GLI3: variants seen among roughly 807,000 people sequenced by gnomAD.
GLI3 encodes GLI family zinc finger 3.
In GLI3, 20 loss-of-function variants were observed where a neutral mutation model predicts 100.8. That is an observed-to-expected ratio of 0.20 (90% CI 0.14 to 0.29). The LOEUF (loss-of-function observed/expected upper bound fraction) is 0.29. GLI3 is among the 10% of genes least tolerant of loss of function. The pLI is 1.00. For synonymous variants in GLI3, 938 were observed against 860.5 expected (o/e 1.09, Z -1.58); for missense variants, 2,040 against 2,128.5 (o/e 0.96, Z 0.82).
At chr7:42,048,922 GA>G (rs542106968) in intron 4 of GLI3, among the ~76,000 whole-genome samples, 97 of 152,200 alleles carry the variant, frequency 6.4e-4, no homozygotes, top group African/African-American at 2.3e-3. Flanking sequence ...ATTGATCTCT[GA>G]GAAACTTCAT....
At chr7:42,187,756 G>A (rs1044239537) in intron 2 of GLI3, among the ~76,000 whole-genome samples, 2 of 152,076 alleles carry the variant, frequency 1.3e-5, no homozygotes, top group Admixed American at 1.3e-4. Flanking sequence ...TGTAATCCCA[G>A]CACTTTGGGA....
At chr7:42,237,564 C>G (rs1788838840), upstream of GLI3, among the ~76,000 whole-genome samples, 1 of 151,276 alleles carries the variant, frequency 6.6e-6, no homozygotes, top group African/African-American at 2.4e-5. Flanking sequence ...CCCTTCTCTC[C>G]TCCTCTTCCT....
At chr7:41,977,873 A>T in intron 11 of GLI3, 151 bp from the exon 12 acceptor site, 1 of 724,224 alleles carries the variant, frequency 1.4e-6, no homozygotes, top group Non-Finnish European at 2.5e-6. Flanking sequence ...CTCTGCATTT[A>T]TTGGGATTCA....
At chr7:41,982,697 CAAAA>C (rs200821387) in intron 10 of GLI3, among the ~76,000 whole-genome samples, 6 of 114,756 alleles carry the variant, frequency 5.2e-5, no homozygotes, top group Admixed American at 8.7e-5. Flanking sequence ...GAACTTGTCT[CAAAA>C]AAAAAAAAAA....
intron 3 of GLI3, among the ~76,000 whole-genome samples, chr7:42,106,134 G>T (rs1470354236): frequency 1.7e-5 from 2 of 120,980 alleles, no homozygotes; most frequent in African/African-American, 7.0e-5. Context: ...CTCCCCAGCA[G>T]TTCCAGCATG....
intron 3 of GLI3, 99 bp from the exon 4 acceptor site, chr7:42,076,956 C>T (rs773093571): frequency 1.2e-5 from 9 of 761,156 alleles, no homozygotes; most frequent in African/African-American, 3.4e-5. Context: ...TCTTCACTAC[C>T]TACACTTAAT....
At chr7:42,174,747 C>T (rs951259128) in intron 2 of GLI3, among the ~76,000 whole-genome samples, 4 of 152,200 alleles carry the variant, frequency 2.6e-5, no homozygotes, top group Admixed American at 2.6e-4. Flanking sequence ...CAGGGCCGCA[C>T]AGAGGGTGAC....
intron 12 of GLI3, among the ~76,000 whole-genome samples, chr7:41,973,754 A>G (rs1787430355): frequency 6.6e-6 from 1 of 152,188 alleles, no homozygotes; most frequent in Non-Finnish European, 1.5e-5. Flanking sequence ...TAAAAGCCCA[A>G]GAACAGACTG....
chr7:42,014,253 A>T (rs1788695846), intron 10 of GLI3, among the ~76,000 whole-genome samples: 1 of 152,168 alleles, frequency 6.6e-6, no homozygotes, highest in Admixed American at 6.5e-5. Flanking sequence ...TCAGACTCCT[A>T]GTCTAGCAAT....
intron 3 of GLI3, among the ~76,000 whole-genome samples, chr7:42,079,465 G>T (rs1327860392): frequency 6.6e-6 from 1 of 152,188 alleles, no homozygotes. Flanking sequence ...CATGAAATAT[G>T]GGGGTGGCTC....
At chr7:42,235,993 C>G (rs1788783066) in intron 1 of GLI3, among the ~76,000 whole-genome samples, 1 of 151,844 alleles carries the variant, frequency 6.6e-6, no homozygotes, top group Non-Finnish European at 1.5e-5. Flanking sequence ...CTCCTTAATC[C>G]TCTTTCCACG....
At chr7:42,172,528 A>G (rs1003895424) in intron 2 of GLI3, 1 of 702,718 alleles carries the variant, frequency 1.4e-6, no homozygotes, top group Admixed American at 2.0e-5. Context: ...ACCTAGGTAA[A>G]TGTATGGGTT....
intron 4 of GLI3, among the ~76,000 whole-genome samples, chr7:42,076,043 C>A (rs1019084467): frequency 2.0e-5 from 3 of 152,170 alleles, no homozygotes; most frequent in South Asian, 2.1e-4. Context: ...AGGGACAGCC[C>A]ATCCCAGAGA....
At chr7:42,006,305 T>A (rs1788459482) in intron 10 of GLI3, among the ~76,000 whole-genome samples, 1 of 152,114 alleles carries the variant, frequency 6.6e-6, no homozygotes, top group Non-Finnish European at 1.5e-5. Context: ...TGCACAGGAA[T>A]TATTCCTCAG....
chr7:42,016,194 A>G (rs1788755329), intron 10 of GLI3, among the ~76,000 whole-genome samples: 1 of 152,182 alleles, frequency 6.6e-6, no homozygotes, highest in African/African-American at 2.4e-5. Flanking sequence ...ACCGAAGAAA[A>G]TTTCCAGAAG....
chr7:42,102,717 TATC>T (rs1273524274), intron 3 of GLI3, among the ~76,000 whole-genome samples: 1 of 152,166 alleles, frequency 6.6e-6, no homozygotes, highest in African/African-American at 2.4e-5. Context: ...AGACGTAAAT[TATC>T]TAAGGCTCAG....
At chr7:42,038,929 G>A (rs1032256479) in intron 7 of GLI3, among the ~76,000 whole-genome samples, 3 of 151,970 alleles carry the variant, frequency 2.0e-5, no homozygotes, top group African/African-American at 4.8e-5. Context: ...AACAACTAAC[G>A]CTACCGCTCA....
At chr7:42,255,709 C>G (rs1789078989) in intron 1 of GLI3, among the ~76,000 whole-genome samples, 1 of 152,154 alleles carries the variant, frequency 6.6e-6, no homozygotes, top group Non-Finnish European at 1.5e-5. Context: ...ACCTACTCAT[C>G]AATTGATAGG....
chr7:42,151,510 C>T (rs191008399), intron 2 of GLI3: 1 of 152,306 alleles, frequency 6.6e-6, no homozygotes, highest in African/African-American at 2.4e-5. Flanking sequence ...TTGACAGAAA[C>T]ACACTGTCCA....
Sources: gnomAD v4.1 joint callset for allele counts (sites outside exome capture counted in the v4.1 genomes callset) on GRCh38, gnomAD v4.1.1 for gene constraint, MANE v1.5 for transcripts, NCBI Gene and HGNC (gene_info 2026-07-23, HGNC 2026-07-21) for gene names.